The following COL22A1 variants were observed in gnomAD, a reference collection of about 807,000 sequenced individuals.
COL22A1 encodes the protein collagen alpha-1(XXII) chain.
Under a neutral mutation model 248.9 loss-of-function variants are expected in COL22A1, and 221 were observed. The observed-to-expected ratio is 0.89, with a 90% CI of 0.80 to 0.99. COL22A1 has a LOEUF of 0.99. COL22A1 is among the 50% of genes least tolerant of loss of function. The pLI is 0.00. For missense variants in COL22A1, 2,240 were observed against 2,179.0 expected, an observed-to-expected ratio of 1.03 and a Z score of -0.56; for synonymous variants, 891 against 793.4, an observed-to-expected ratio of 1.12 and a Z score of -2.07.
At chr8:138,824,573 T>G (rs1222363927) in intron 6 of COL22A1, among the ~76,000 whole-genome samples, 3 of 152,158 alleles carry the variant, frequency 2.0e-5, no homozygotes, top group African/African-American at 7.2e-5. Context: ...CCAGCCTCAG[T>G]TTACCCAAAT....
At chr8:138,672,320 T>C (rs1475173342) in intron 41 of COL22A1, among the ~76,000 whole-genome samples, 1 of 152,250 alleles carries the variant, frequency 6.6e-6, no homozygotes, top group Admixed American at 6.5e-5. Context: ...CTTTGCTCAC[T>C]CTTGTCCCTG....
chr8:138,696,187 G>A (rs954888017), intron 32 of COL22A1, among the ~76,000 whole-genome samples: 3 of 152,144 alleles, frequency 2.0e-5, no homozygotes, highest in Non-Finnish European at 2.9e-5. Flanking sequence ...ACCAGAGCAC[G>A]TGTACCCAGA....
intron 16 of COL22A1, among the ~76,000 whole-genome samples, chr8:138,775,458 C>T (rs1269830791): frequency 6.6e-6 from 1 of 152,204 alleles, no homozygotes; most frequent in Non-Finnish European, 1.5e-5. Flanking sequence ...TGGCAATCTA[C>T]ATTTAAGAGC....
At position 138,755,510 on chromosome 8, in the gene COL22A1, A is replaced by G; in HGVS notation, c.1949T>C (p.Val650Ala). 1.2e-6 allele frequency: 2 copies of G among 1,614,062 alleles called. 1 individual carries two copies. ...TTCCCCTTTCAAGCCCTCTTGCTGC[A>G]CCTGAGAGACAAAGCAAGCATTAGC... Reference protein sequence around the residue: ...AGPPGVPGSVVQQEGLKGEQG... With the variant: ...AGPPGVPGSVAQQEGLKGEQG... Residue 650 changes from valine (V) to alanine (A), a missense_variant and splice_region_variant, in exon 20 of 65, where the codon GTG becomes GCG. Coordinates refer to ENST00000303045, the MANE Select transcript of COL22A1 (RefSeq NM_152888.3).
At chr8:138,655,447 C>G (rs1467757196) in intron 45 of COL22A1, among the ~76,000 whole-genome samples, 1 of 152,226 alleles carries the variant, frequency 6.6e-6, no homozygotes, top group Admixed American at 6.5e-5. Flanking sequence ...CAGCCTCTAC[C>G]TCCCGGGCTC....
intron 44 of COL22A1, among the ~76,000 whole-genome samples, chr8:138,658,413 G>C (rs1016122910): frequency 6.6e-6 from 1 of 152,148 alleles, no homozygotes; most frequent in Non-Finnish European, 1.5e-5. Context: ...ACCTCAGTCT[G>C]ACCTCCAGAG....
chr8:138,895,682 C>A (rs1825360831), intron 1 of COL22A1, among the ~76,000 whole-genome samples: 2 of 152,000 alleles, frequency 1.3e-5, no homozygotes, highest in African/African-American at 4.8e-5. Flanking sequence ...TAAATAATAG[C>A]AATATACATA....
rs778839036 is a variant in COL22A1, at chr8:138,613,848, G to A, written c.3978+19C>T. ...TCCTGTAATAACATGAAGCACATTA[G>A]TCGCAAAGCAAAACTCACCGGTGGG... On this transcript the variant is annotated intron_variant, in intron 56 of 64. Transcript: ENST00000303045. 5 of 1,609,774 alleles carry A rather than the reference G, an allele frequency of 3.1e-6. No individual in the cohort carries two copies. In the South Asian group the frequency reaches 4.4e-5, roughly 14 times the overall value.
chr8:138,844,005 C>T, intron 4 of COL22A1, 79 bp downstream of exon 4: 1 of 1,295,426 alleles, frequency 7.7e-7, no homozygotes, highest in Non-Finnish European at 1.1e-6. Context: ...GAGGCCACCC[C>T]TGAATTGACT....
intron 12 of COL22A1, among the ~76,000 whole-genome samples, 197 bp from the exon 13 acceptor site, chr8:138,781,177 A>G (rs963807297): frequency 6.6e-6 from 1 of 152,180 alleles, no homozygotes; most frequent in Non-Finnish European, 1.5e-5. Flanking sequence ...TTCACATCAG[A>G]TCTACATCAG....
At chr8:138,692,476 T>C (rs1286678627) in intron 35 of COL22A1, among the ~76,000 whole-genome samples, 22 of 58,564 alleles carry the variant, frequency 3.8e-4, no homozygotes, top group African/African-American at 1.2e-3. Context: ...TGTGTGTGTG[T>C]GTGTGTGTGT....
At chr8:138,867,274 T>C (rs1372227221) in intron 3 of COL22A1, among the ~76,000 whole-genome samples, 1 of 152,028 alleles carries the variant, frequency 6.6e-6, no homozygotes, top group Non-Finnish European at 1.5e-5. Flanking sequence ...TCAGGGAGGG[T>C]CTTCCCTGCT....
intron 16 of COL22A1, among the ~76,000 whole-genome samples, chr8:138,769,567 C>G (rs953157406): frequency 5.3e-5 from 8 of 152,160 alleles, no homozygotes; most frequent in Non-Finnish European, 8.8e-5. Flanking sequence ...CACCACCACC[C>G]TGTTCTAGGA....
intron 18 of COL22A1, among the ~76,000 whole-genome samples, chr8:138,759,049 C>G (rs73437381): frequency 0.052 from 7,911 of 152,210 alleles, 245 homozygotes; most frequent in Non-Finnish European, 0.053. Flanking sequence ...TATTAAAATC[C>G]TGACACCTGG....
chr8:138,697,213 T>G (rs1031994731), intron 32 of COL22A1, among the ~76,000 whole-genome samples: 2 of 152,178 alleles, frequency 1.3e-5, no homozygotes, highest in African/African-American at 4.8e-5. Flanking sequence ...TAAGTTTGGC[T>G]GGCTTCCATC....
chr8:138,856,082 C>G (rs117421728), intron 3 of COL22A1, among the ~76,000 whole-genome samples: 1 of 152,142 alleles, frequency 6.6e-6, no homozygotes. Context: ...CCTAGAGCTT[C>G]GGAGGGGGGC....
chr8:138,815,117 C>A (rs1252639074), intron 7 of COL22A1, among the ~76,000 whole-genome samples: 1 of 152,174 alleles, frequency 6.6e-6, no homozygotes, highest in Non-Finnish European at 1.5e-5. Context: ...TCCTCATTCA[C>A]CTTCCACCAT....
At chr8:138,613,021 G>A (rs1180453060) in intron 56 of COL22A1, among the ~76,000 whole-genome samples, 1 of 151,230 alleles carries the variant, frequency 6.6e-6, no homozygotes. Context: ...GGGCGAGGCG[G>A]GCAGATTATG....
At chr8:138,785,185 G>A (rs114035790) in intron 12 of COL22A1, among the ~76,000 whole-genome samples, 1,793 of 152,248 alleles carry the variant, frequency 0.012, 41 homozygotes, top group African/African-American at 0.04. Context: ...CTGCTCCCCT[G>A]GGGATACTGA....
Sources: gnomAD v4.1 joint callset for allele counts (sites outside exome capture counted in the v4.1 genomes callset) on GRCh38, gnomAD v4.1.1 for gene constraint, MANE v1.5 for transcripts, NCBI Gene and HGNC (gene_info 2026-07-23, HGNC 2026-07-21) for gene names.